The following KCND2 variants were observed in gnomAD, a reference collection of about 807,000 sequenced individuals.
The protein encoded by KCND2 is A-type voltage-gated potassium channel KCND2.
In KCND2, 16 loss-of-function variants were observed where a neutral mutation model predicts 54.4. The observed-to-expected ratio is 0.29, with a 90% confidence interval of 0.20 to 0.45. The LOEUF (loss-of-function observed/expected upper bound fraction) is 0.45, where lower values mean the gene tolerates loss of function less well. Ranked by LOEUF, KCND2 falls within the 20% of genes least tolerant of loss-of-function variation. The pLI is 1.00. For synonymous variants in KCND2, 317 were observed against 310.7 expected, an observed-to-expected ratio of 1.02 and a Z score of -0.21; for missense variants, 486 against 824.2, an observed-to-expected ratio of 0.59 and a Z score of 5.02.
chr7:120,726,692 T>G (rs1479452100), intron 1 of KCND2, among the ~76,000 whole-genome samples: 1 of 152,210 alleles, frequency 6.6e-6, no homozygotes, highest in Non-Finnish European at 1.5e-5. Context: ...ATACTTACAC[T>G]CCAAATACTG....
chr7:120,630,823 G>A (rs978145232), intron 1 of KCND2, among the ~76,000 whole-genome samples: 9 of 152,112 alleles, frequency 5.9e-5, no homozygotes, highest in African/African-American at 1.9e-4. Context: ...TTATGTTAAT[G>A]TGAAAATTAT....
At chr7:120,735,820 C>T (rs1165598635) in intron 2 of KCND2, among the ~76,000 whole-genome samples, 1 of 151,736 alleles carries the variant, frequency 6.6e-6, no homozygotes, top group African/African-American at 2.4e-5. Context: ...ATAATATGTC[C>T]AGTATGTAGA....
chr7:120,466,094 G>A (rs1338456195), intron 1 of KCND2, among the ~76,000 whole-genome samples: 1 of 152,212 alleles, frequency 6.6e-6, no homozygotes, highest in Non-Finnish European at 1.5e-5. Flanking sequence ...CCCTCTAGAT[G>A]TCAGTTGCAA....
At chr7:120,484,822 C>T (rs1802670398) in intron 1 of KCND2, among the ~76,000 whole-genome samples, 4 of 152,014 alleles carry the variant, frequency 2.6e-5, no homozygotes, top group Admixed American at 2.6e-4. Context: ...TTATTCAACA[C>T]TAAAAACTTG....
intron 1 of KCND2, among the ~76,000 whole-genome samples, chr7:120,579,437 A>G (rs576556806): frequency 2.6e-5 from 4 of 151,888 alleles, no homozygotes; most frequent in East Asian, 3.9e-4. Context: ...ACCCACCTCT[A>G]CTAAAAATAC....
chr7:120,724,510 T>A (rs1792707408), intron 1 of KCND2, among the ~76,000 whole-genome samples: 1 of 152,192 alleles, frequency 6.6e-6, no homozygotes, highest in East Asian at 1.9e-4. Flanking sequence ...AGTTATTTGT[T>A]CCAGTGAGAC....
intron 1 of KCND2, among the ~76,000 whole-genome samples, chr7:120,630,004 G>A (rs894817694): frequency 1.3e-5 from 2 of 152,078 alleles, no homozygotes; most frequent in Non-Finnish European, 2.9e-5. Flanking sequence ...GTTATTAACC[G>A]GGGAGTCAAT....
chr7:120,287,045 T>C (rs920787603), intron 1 of KCND2, among the ~76,000 whole-genome samples: 1 of 152,060 alleles, frequency 6.6e-6, no homozygotes, highest in African/African-American at 2.4e-5. Flanking sequence ...TCTTATTTCA[T>C]GAAGAGTTTT....
At chr7:120,432,137 AT>A (rs1356556103) in intron 1 of KCND2, among the ~76,000 whole-genome samples, 1 of 152,126 alleles carries the variant, frequency 6.6e-6, no homozygotes, top group Non-Finnish European at 1.5e-5. Flanking sequence ...TTCCTTGAGT[AT>A]TTGGTCCCCC....
chr7:120,392,292 G>A (rs186599007), intron 1 of KCND2, among the ~76,000 whole-genome samples: 1 of 152,120 alleles, frequency 6.6e-6, no homozygotes, highest in East Asian at 1.9e-4. Context: ...TTTGGTACCA[G>A]TATCATGCCG....
chr7:120,708,282 A>G (rs142866183), intron 1 of KCND2, among the ~76,000 whole-genome samples: 212 of 152,250 alleles, frequency 1.4e-3, no homozygotes, highest in African/African-American at 4.8e-3. Flanking sequence ...TCAGACCATA[A>G]ATTACAAACC....
At chr7:120,311,731 C>T (rs1475471871) in intron 1 of KCND2, among the ~76,000 whole-genome samples, 1 of 152,112 alleles carries the variant, frequency 6.6e-6, no homozygotes, top group Non-Finnish European at 1.5e-5. Context: ...ACCCTCTACC[C>T]TCCAAAAGGC....
intron 1 of KCND2, among the ~76,000 whole-genome samples, chr7:120,540,015 T>C (rs1198049967): frequency 6.6e-6 from 1 of 152,146 alleles, no homozygotes; most frequent in Non-Finnish European, 1.5e-5. Flanking sequence ...GCTAGCTTAC[T>C]CTTGAAGAAA....
chr7:120,550,752 A>G (rs547444141), intron 1 of KCND2, among the ~76,000 whole-genome samples: 26 of 152,310 alleles, frequency 1.7e-4, no homozygotes, highest in African/African-American at 5.8e-4. Context: ...ATGTTTGTGG[A>G]TCCTATCAGT....
intron 1 of KCND2, among the ~76,000 whole-genome samples, chr7:120,524,242 A>G (rs1562863448): frequency 6.6e-6 from 1 of 152,260 alleles, no homozygotes; most frequent in African/African-American, 2.4e-5. Flanking sequence ...CAAAAAAAAA[A>G]GAAAAAAAGC....
rs1791735850 is a variant in KCND2, at chr7:120,651,688, C to T, written c.1116-81215C>T. On this transcript the variant is annotated intron_variant, in intron 1 of 5. Transcript: ENST00000331113. ...GTATCTCGGTTGGAAATGCGGAAAT[C>T]ATCCATCTTCTGTGTCACTCATGCT... Among the ~76,000 whole-genome samples, 8 of 152,310 alleles carry T rather than the reference C, an allele frequency of 5.3e-5. No individual in the cohort carries two copies. In the South Asian group the frequency reaches 1.7e-3, roughly 32 times the overall value.
At chr7:120,590,336 A>G (rs556753894) in intron 1 of KCND2, among the ~76,000 whole-genome samples, 3 of 152,080 alleles carry the variant, frequency 2.0e-5, no homozygotes, top group East Asian at 1.9e-4. Context: ...AATTTCACCT[A>G]CTTCACAGTG....
rs974625104 is a variant in KCND2 at position 120,351,242 on chromosome 7, G to GTATATA, written c.1115+75496_1115+75497insATATAT. On this transcript the variant is annotated intron_variant, in intron 1 of 5. Coordinates refer to ENST00000331113, the MANE Select transcript of KCND2 (RefSeq NM_012281.3). ...ACCATCATATTATATATTTATATGT[G>GTATATA]TGTATATATATATATATATATATAT... Among the ~76,000 whole-genome samples the GTATATA allele has an allele frequency of 8.4e-5, 4 of 47,512 alleles. No homozygotes were observed. The East Asian group carries it at 3.2e-3, about 38-fold the overall frequency. 31.2% of individuals were successfully genotyped at this position (47,512 alleles called of 152,430 possible).
At chr7:120,469,320 G>T (rs1802421410) in intron 1 of KCND2, among the ~76,000 whole-genome samples, 1 of 152,102 alleles carries the variant, frequency 6.6e-6, no homozygotes. Context: ...TGGAATTCAT[G>T]ATTTCATCCA....
Sources: gnomAD v4.1 joint callset for allele counts (sites outside exome capture counted in the v4.1 genomes callset) on GRCh38, gnomAD v4.1.1 for gene constraint, MANE v1.5 for transcripts, NCBI Gene and HGNC (gene_info 2026-07-23, HGNC 2026-07-21) for gene names.